Variants in GRIK2 observed in about 807,000 individuals in gnomAD.
The protein encoded by GRIK2 is glutamate receptor ionotropic, kainate 2.
A neutral mutation model predicts 100.3 loss-of-function variants in GRIK2; 32 were observed. The ratio of observed to expected loss-of-function variants is 0.32; its 90% CI spans 0.24 to 0.43. The LOEUF is 0.43. Among genes scored for constraint, GRIK2 ranks in the 20% least tolerant of loss-of-function variants. The pLI is 1.00. For missense variants in GRIK2, 843 were observed against 1,114.9 expected (o/e 0.76, Z 3.47); for synonymous variants, 417 against 389.4 (o/e 1.07, Z -0.83).
intron 2 of GRIK2, among the ~76,000 whole-genome samples, chr6:101,520,819 A>G (rs1774845570): frequency 6.6e-6 from 1 of 152,144 alleles, no homozygotes; most frequent in African/African-American, 2.4e-5. Context: ...TTGCAGTGCC[A>G]TGATGCAGAG....
chr6:101,523,763 A>G, intron 2 of GRIK2, among the ~76,000 whole-genome samples: 1 of 135,486 alleles, frequency 7.4e-6, no homozygotes, highest in Non-Finnish European at 1.5e-5. Context: ...TCTGTCGCCT[A>G]GGCTAGAATG....
At chr6:101,543,112 G>A (rs1776082666) in intron 2 of GRIK2, among the ~76,000 whole-genome samples, 1 of 152,022 alleles carries the variant, frequency 6.6e-6, no homozygotes, top group Non-Finnish European at 1.5e-5. Flanking sequence ...AACAAAAAAA[G>A]GACAAACCCA....
chr6:101,796,554 A>T (rs891204023), intron 7 of GRIK2, among the ~76,000 whole-genome samples: 1 of 152,220 alleles, frequency 6.6e-6, no homozygotes, highest in Admixed American at 6.5e-5. Context: ...AACTAGTCTA[A>T]AATTAAAACC....
chr6:101,647,017 T>C (rs1369878909), intron 4 of GRIK2, among the ~76,000 whole-genome samples: 1 of 151,986 alleles, frequency 6.6e-6, no homozygotes, highest in Non-Finnish European at 1.5e-5. Context: ...ATTTCTCGTT[T>C]TTCTGTTTTC....
At chr6:101,589,319 A>G (rs1244746173) in intron 2 of GRIK2, among the ~76,000 whole-genome samples, 2 of 152,100 alleles carry the variant, frequency 1.3e-5, no homozygotes, top group Non-Finnish European at 2.9e-5. Flanking sequence ...AACACCGTCT[A>G]CCCTCTTTTA....
chr6:101,983,590 G>T (rs1440257746), intron 14 of GRIK2, among the ~76,000 whole-genome samples: 2 of 151,582 alleles, frequency 1.3e-5, no homozygotes, highest in African/African-American at 4.8e-5. Context: ...ATTATTATCT[G>T]GGATAGAAAA....
intron 7 of GRIK2, among the ~76,000 whole-genome samples, chr6:101,774,584 A>C (rs1778621019): frequency 6.6e-6 from 1 of 152,184 alleles, no homozygotes; most frequent in African/African-American, 2.4e-5. Context: ...GAGATATCTC[A>C]ATGGACTGAT....
intron 10 of GRIK2, among the ~76,000 whole-genome samples, chr6:101,851,654 A>T (rs1335251112): frequency 6.6e-6 from 1 of 151,872 alleles, no homozygotes; most frequent in Non-Finnish European, 1.5e-5. Flanking sequence ...TCAGGTAGAA[A>T]ATGAATTTTG....
chr6:101,560,739 GA>G (rs936052742), intron 2 of GRIK2, among the ~76,000 whole-genome samples: 11 of 150,704 alleles, frequency 7.3e-5, no homozygotes, highest in East Asian at 3.9e-4. Flanking sequence ...TCAAAGCAAA[GA>G]AAAAAAACAA....
intron 10 of GRIK2, among the ~76,000 whole-genome samples, chr6:101,825,032 T>C (rs1782225530): frequency 2.0e-5 from 3 of 152,214 alleles, no homozygotes; most frequent in Admixed American, 2.0e-4. Context: ...ATTCTCGTCT[T>C]TCCATTGTGG....
At chr6:101,911,806 A>G (rs1400136504) in intron 12 of GRIK2, among the ~76,000 whole-genome samples, 2 of 151,316 alleles carry the variant, frequency 1.3e-5, no homozygotes, top group Non-Finnish European at 3.0e-5. Flanking sequence ...AGGTGAAGTG[A>G]CTCATCTTAT....
chr6:101,902,959 C>T (rs1787969686), intron 12 of GRIK2, among the ~76,000 whole-genome samples: 1 of 151,804 alleles, frequency 6.6e-6, no homozygotes, highest in Non-Finnish European at 1.5e-5. Flanking sequence ...GAAACAGCAG[C>T]TGAAAGGTGT....
intron 11 of GRIK2, among the ~76,000 whole-genome samples, chr6:101,870,170 C>A (rs1785312417): frequency 6.6e-6 from 1 of 151,760 alleles, no homozygotes; most frequent in African/African-American, 2.4e-5. Context: ...GATTAATTTG[C>A]TTTTACCAAC....
intron 7 of GRIK2, among the ~76,000 whole-genome samples, chr6:101,752,963 G>T (rs1004129722): frequency 9.9e-5 from 15 of 152,078 alleles, no homozygotes; most frequent in African/African-American, 1.4e-4. Context: ...TGAATTATTG[G>T]TCTGCAATAT....
chr6:101,578,290 G>T (rs962354110), intron 2 of GRIK2, among the ~76,000 whole-genome samples: 2 of 152,098 alleles, frequency 1.3e-5, no homozygotes, highest in African/African-American at 4.8e-5. Flanking sequence ...ATTACTGAAG[G>T]GATCCCAGGA....
At chr6:101,873,686 G>A (rs917204591) in intron 11 of GRIK2, among the ~76,000 whole-genome samples, 1 of 151,490 alleles carries the variant, frequency 6.6e-6, no homozygotes, top group Non-Finnish European at 1.5e-5. Context: ...CTTCCACAAT[G>A]GTTGAACTAG....
chr6:101,885,175 T>G (rs945865668), intron 11 of GRIK2, among the ~76,000 whole-genome samples: 12 of 152,260 alleles, frequency 7.9e-5, no homozygotes, highest in African/African-American at 2.9e-4. Context: ...TAACACAACA[T>G]AAATTATTGC....
intron 2 of GRIK2, among the ~76,000 whole-genome samples, chr6:101,446,479 T>G (rs894234765): frequency 1.3e-5 from 2 of 151,872 alleles, no homozygotes; most frequent in African/African-American, 4.8e-5. Flanking sequence ...CCTCTCCTCT[T>G]CAGTGATAGT....
At chr6:101,950,277 G>T (rs771638894) in intron 14 of GRIK2, among the ~76,000 whole-genome samples, 5 of 151,910 alleles carry the variant, frequency 3.3e-5, no homozygotes, top group Non-Finnish European at 7.4e-5. Flanking sequence ...TCCTTTTCTT[G>T]TTTTTTGGAC....
Sources: gnomAD v4.1 joint callset for allele counts (sites outside exome capture counted in the v4.1 genomes callset) on GRCh38, gnomAD v4.1.1 for gene constraint, MANE v1.5 for transcripts, NCBI Gene and HGNC (gene_info 2026-07-23, HGNC 2026-07-21) for gene names.